The following KCNQ1 variants were observed in gnomAD, a reference collection of about 807,000 sequenced individuals.
KCNQ1 encodes potassium voltage-gated channel subfamily KQT member 1.
Under a neutral mutation model 72.4 loss-of-function variants are expected in KCNQ1, and 49 were observed. The ratio of observed to expected loss-of-function variants is 0.68; its 90% CI spans 0.54 to 0.86. The LOEUF is 0.86. Ranked by LOEUF, KCNQ1 falls within the 40% of genes least tolerant of loss-of-function variation. KCNQ1 has a pLI of 0.00. For missense variants in KCNQ1, 790 were observed against 945.1 expected, an observed-to-expected ratio of 0.84 and a Z score of 2.15; for synonymous variants, 450 against 412.6, an observed-to-expected ratio of 1.09 and a Z score of -1.10.
chr11:2,533,321 C>A (rs912946210), intron 2 of KCNQ1, among the ~76,000 whole-genome samples: 1 of 152,176 alleles, frequency 6.6e-6, no homozygotes, highest in Non-Finnish European at 1.5e-5. Context: ...AATCTGGTCT[C>A]GGCTGGGGTC....
intron 11 of KCNQ1, among the ~76,000 whole-genome samples, chr11:2,700,412 C>A (rs1201764911): frequency 6.6e-6 from 1 of 152,164 alleles, no homozygotes; most frequent in African/African-American, 2.4e-5. Context: ...CGGCCGCACC[C>A]CGACACTGCT....
intron 15 of KCNQ1, among the ~76,000 whole-genome samples, chr11:2,821,221 C>T (rs577898681): frequency 5.3e-5 from 8 of 152,352 alleles, no homozygotes; most frequent in East Asian, 3.9e-4. Flanking sequence ...GTGCTCTGTG[C>T]GAGTCCCGTT....
In KCNQ1 at chr11:2,824,208, G is replaced by GT. The variant is rs1387611601; in HGVS notation, c.1795-23558dup. Reference sequence around the variant, plus strand: ...GCAAGAGCCACCCCCTGGCTGAAGTGTGAGGCTGTCCATGGAGGGGCCAGA... The same window carrying GT: ...GCAAGAGCCACCCCCTGGCTGAAGTGTTGAGGCTGTCCATGGAGGGGCCAGA... On this transcript the variant is annotated intron_variant, in intron 15 of 15. Coordinates refer to ENST00000155840, the MANE Select transcript of KCNQ1 (RefSeq NM_000218.3). The surrounding 1 kb of genome is among the most constrained non-coding windows in gnomAD (Gnocchi z 5.9). Among the ~76,000 whole-genome samples, 2 of 152,206 alleles carry GT rather than the reference G, an allele frequency of 1.3e-5. No individual in the cohort carries two copies. The highest frequency in any genetic ancestry group is 4.8e-5 in the African/African-American group (2 of 41,438).
intron 11 of KCNQ1, among the ~76,000 whole-genome samples, chr11:2,736,829 G>A (rs1158272398): frequency 3.3e-5 from 5 of 152,218 alleles, no homozygotes; most frequent in African/African-American, 9.6e-5. Context: ...GCCTAAGGGT[G>A]AAAACTCGGT....
intron 1 of KCNQ1, chr11:2,461,716 T>A: frequency 7.3e-7 from 1 of 1,366,066 alleles, no homozygotes; most frequent in Non-Finnish European, 9.8e-7. Context: ...TGGCATGGAG[T>A]AGGTACCCCG....
chr11:2,748,691 C>T lies in KCNQ1; in HGVS notation c.1515-20153C>T, dbSNP rs7394507. ...CAGGCCCGGCTGGATCACAGAGCTT[C>T]GGGTCCAGCCAGCTGCTGCTGCCCC... On this transcript the variant is annotated intron_variant, in intron 11 of 15. Coordinates refer to ENST00000155840, the MANE Select transcript of KCNQ1 (RefSeq NM_000218.3). This position sits in a 1 kb window ranked among gnomAD's most constrained non-coding sequence, Gnocchi z 6.2. Among the ~76,000 whole-genome samples, 1 of 152,172 alleles carries T rather than the reference C, an allele frequency of 6.6e-6. No individual in the cohort carries two copies. Among genetic ancestry groups the T allele is most frequent in the Non-Finnish European group, 1.5e-5 (1 of 68,022 alleles).
rs1006905343 is a variant in KCNQ1 at position 2,783,819 on chromosome 11, T to A, written c.1794+5782T>A. Among the ~76,000 whole-genome samples, 1 of 152,078 alleles carries A rather than the reference T, an allele frequency of 6.6e-6. No individual in the cohort carries two copies. The highest frequency in any genetic ancestry group is 2.4e-5 in the African/African-American group (1 of 41,458). ...TTCTTTGGTGAAATGTTTATTCAACTCTCTTGCCCATTTTCTAATTAAGTA... is the reference window on the plus strand; with the variant it reads ...TTCTTTGGTGAAATGTTTATTCAACACTCTTGCCCATTTTCTAATTAAGTA... On this transcript the variant is annotated intron_variant, in intron 15 of 15. Transcript: ENST00000155840. The surrounding 1 kb of genome is among the most constrained non-coding windows in gnomAD (Gnocchi z 5.2).
intron 11 of KCNQ1, among the ~76,000 whole-genome samples, chr11:2,765,709 T>G (rs1846484993): frequency 6.6e-6 from 1 of 152,232 alleles, no homozygotes; most frequent in Admixed American, 6.5e-5. Context: ...GACACTTTTA[T>G]AAATAGGACA....
chr11:2,502,388 T>C (rs1847031156), intron 1 of KCNQ1, among the ~76,000 whole-genome samples: 1 of 152,222 alleles, frequency 6.6e-6, no homozygotes, highest in Admixed American at 6.5e-5. Context: ...AGCATTTCTA[T>C]ATGCCAACAG....
intron 2 of KCNQ1, among the ~76,000 whole-genome samples, chr11:2,533,542 T>C (rs550046758): frequency 6.6e-6 from 1 of 152,396 alleles, no homozygotes; most frequent in East Asian, 1.9e-4. Flanking sequence ...GTGGCACACG[T>C]GTGCATGTGT....
At position 2,803,538 on chromosome 11, in the gene KCNQ1, G is replaced by A. The variant is rs188224130; in HGVS notation, c.1794+25501G>A. Among the ~76,000 whole-genome samples, 164 of 152,260 alleles carry A rather than the reference G, an allele frequency of 1.1e-3. No homozygotes were observed. Among genetic ancestry groups the A allele is most frequent in the African/African-American group, 3.3e-3 (137 of 41,558 alleles). The stretch of plus-strand genomic sequence containing the variant: ...CAAACCTCGCCCTTTCTCCCTGCAG[G>A]CACTGGCAGAGCTGGGGGTGATGGG... On this transcript the variant is annotated intron_variant, in intron 15 of 15. Transcript: ENST00000155840. This position sits in a 1 kb window ranked among gnomAD's most constrained non-coding sequence, Gnocchi z 6.4.
rs1846549663 is a variant in KCNQ1 at position 2,475,010 on chromosome 11, A to G, written c.386+29526A>G. On this transcript the variant is annotated intron_variant, in intron 1 of 15. Transcript: ENST00000155840. The surrounding 1 kb of genome is among the most constrained non-coding windows in gnomAD (Gnocchi z 5.8). ...CATTGTTTGTGTTGTGATAAAATAC[A>G]CGTAACGTAAAATTGACCTTTTTAA... Among the ~76,000 whole-genome samples the G allele has an allele frequency of 6.6e-6, 1 of 152,138 alleles. No individual in the cohort carries two copies. Among genetic ancestry groups the G allele is most frequent in the Admixed American group, 6.5e-5 (1 of 15,280 alleles).
chr11:2,526,363 C>T lies in KCNQ1; in HGVS notation c.387-1565C>T, dbSNP rs186393133. Among the ~76,000 whole-genome samples, 312 of 151,978 alleles carry T rather than the reference C, an allele frequency of 2.1e-3. 1 individual carries two copies. The highest frequency in any genetic ancestry group is 7.3e-3 in the African/African-American group (301 of 41,444). On this transcript the variant is annotated intron_variant, in intron 1 of 15. Transcript: ENST00000155840. The surrounding 1 kb of genome is among the most constrained non-coding windows in gnomAD (Gnocchi z 6.1). ...GACCGGTGTGGCAGGGACAGGGTGT[C>T]GGTGAGGCAGGTGGCTGAGGAAATG...
intron 11 of KCNQ1, chr11:2,686,715 A>T (rs1218959547): frequency 2.5e-6 from 1 of 398,454 alleles, no homozygotes; most frequent in Non-Finnish European, 4.4e-6. Flanking sequence ...GGGAAGTCCT[A>T]CTCGGCCCCA....
At chr11:2,519,243 C>A (rs1847338030) in intron 1 of KCNQ1, among the ~76,000 whole-genome samples, 4 of 152,246 alleles carry the variant, frequency 2.6e-5, no homozygotes, top group Admixed American at 2.0e-4. Context: ...TGCCGGGAAT[C>A]ACCACCCCCA....
rs1253379982 is a variant in KCNQ1 at position 2,713,356 on chromosome 11, T to C, written c.1514+51275T>C. On this transcript the variant is annotated intron_variant, in intron 11 of 15. Coordinates refer to ENST00000155840, the MANE Select transcript of KCNQ1 (RefSeq NM_000218.3). This position sits in a 1 kb window ranked among gnomAD's most constrained non-coding sequence, Gnocchi z 5.6. ...CGCCATAAAAACTCTCCAGTCATCT[T>C]TTCCGCTGTGGTTTTTATTGTTTTA... Among the ~76,000 whole-genome samples, 1 of 152,252 alleles carries C rather than the reference T, an allele frequency of 6.6e-6. No individual in the cohort carries two copies. The highest frequency in any genetic ancestry group is 6.5e-5 in the Admixed American group (1 of 15,290).
intron 10 of KCNQ1, among the ~76,000 whole-genome samples, chr11:2,591,043 C>T (rs977659859): frequency 1.2e-4 from 18 of 152,268 alleles, no homozygotes; most frequent in Non-Finnish European, 2.5e-4. Flanking sequence ...ATCCATCTCT[C>T]CCTCTCGGAC....
At chr11:2,705,719 C>G (rs1005251673) in intron 11 of KCNQ1, among the ~76,000 whole-genome samples, 3 of 152,224 alleles carry the variant, frequency 2.0e-5, no homozygotes, top group Non-Finnish European at 2.9e-5. Context: ...CAGGGCCAAC[C>G]TGGGAAGTTG....
chr11:2,725,993 CT>C lies in KCNQ1; in HGVS notation c.1515-42850del, dbSNP rs1207721490. Among the ~76,000 whole-genome samples, 13 of 152,244 alleles carry C rather than the reference CT, an allele frequency of 8.5e-5. No homozygotes were observed. Among genetic ancestry groups the C allele is most frequent in the African/African-American group, 3.1e-4 (13 of 41,472 alleles). ...AGGCCTCGCCAAGAAAAACAGCAGG[CT>C]AAAGACCCCTGATTTCTTCATGAAT... On this transcript the variant is annotated intron_variant, in intron 11 of 15. Coordinates refer to ENST00000155840, the MANE Select transcript of KCNQ1 (RefSeq NM_000218.3). This position sits in a 1 kb window ranked among gnomAD's most constrained non-coding sequence, Gnocchi z 7.2.
Sources: gnomAD v4.1 joint callset for allele counts (sites outside exome capture counted in the v4.1 genomes callset) on GRCh38, gnomAD v4.1.1 for gene constraint, Gnocchi (gnomAD v3.1) non-coding constraint, MANE v1.5 for transcripts, NCBI Gene and HGNC (gene_info 2026-07-23, HGNC 2026-07-21) for gene names.